Variants in PRCD observed in about 807,000 individuals in gnomAD.
PRCD encodes the protein photoreceptor disc component, also known as photoreceptor disk component PRCD.
A neutral mutation model predicts 10.1 loss-of-function variants in PRCD; 12 were observed. The ratio of observed to expected loss-of-function variants is 1.18; its 90% CI spans 0.76 to 1.92. The LOEUF (loss-of-function observed/expected upper bound fraction) is 1.92, where lower values mean the gene tolerates loss of function less well. Among genes scored for constraint, PRCD ranks in the 40% most tolerant of loss-of-function variants. The pLI is 0.00. For missense variants in PRCD, 61 were observed against 72.2 expected (o/e 0.84, Z 0.56); for synonymous variants, 31 against 26.2 (o/e 1.18, Z -0.56).
Position 76,530,751 on chromosome 17 carries a change from A to G in PRCD, n.45+2918A>G, listed in dbSNP as rs558768365. 6.6e-6 allele frequency among the ~76,000 whole-genome samples: 1 copy of G among 151,918 alleles called. No homozygotes were observed. The highest frequency in any genetic ancestry group is 2.1e-4 in the South Asian group (1 of 4,788). On this transcript the variant is annotated intron_variant and non_coding_transcript_variant, in intron 1 of 4. Transcript: ENST00000397633. This position sits in a 1 kb window ranked among gnomAD's most constrained non-coding sequence, Gnocchi z 6.1. ...GGGAAGGGGAAGGCTCTTTGGGAGG[A>G]TTTTTGCTCAGGGCTCATGGCTCTG...
In PRCD at chr17:76,544,215, G is replaced by T; in HGVS notation, c.*565G>T. On this transcript the variant is annotated 3_prime_UTR_variant, in exon 5 of 5. Coordinates refer to ENST00000592014, the MANE Select transcript of PRCD (RefSeq NM_001077620.3). ...AAACCCCCCGTGCCTCTGTGCACAC[G>T]CGTCTCTCCTCCCCAGCCAGCCCCC... 4.4e-6 allele frequency: 2 copies of T among 454,518 alleles called. No homozygotes were observed. Among genetic ancestry groups the T allele is most frequent in the Non-Finnish European group, 8.8e-6 (2 of 226,796 alleles). The allele number at this position is 454,518 out of a possible 1,614,324, so 28.2% of individuals were successfully genotyped here. A position where few individuals can be genotyped will look rare whatever the true frequency, so the allele number is the denominator to read the frequency against.
chr17:76,541,834 T>C (rs1194665672), intron 2 of PRCD, among the ~76,000 whole-genome samples: 3 of 152,086 alleles, frequency 2.0e-5, no homozygotes, highest in Admixed American at 1.3e-4. Flanking sequence ...GGAAAGACTA[T>C]GGGGGAAATT....
chr17:76,540,639 G>T lies in PRCD; in HGVS notation c.143+66G>T. 1 of 1,483,086 alleles carries T rather than the reference G, an allele frequency of 6.7e-7. No homozygotes were observed. Among genetic ancestry groups the T allele is most frequent in the Non-Finnish European group, 9.4e-7 (1 of 1,065,394 alleles). The allele number at this position is 1,483,086 out of a possible 1,614,324, so 91.9% of individuals were successfully genotyped here. A position where few individuals can be genotyped will look rare whatever the true frequency, so the allele number is the denominator to read the frequency against. ...AAGGAAGCTGTGGCTGTGCATGCCT[G>T]GGGGTGCACGTGTGTGCCTGTGCGC... On this transcript the variant is annotated intron_variant, in intron 2 of 4. Coordinates refer to ENST00000592014, the MANE Select transcript of PRCD (RefSeq NM_001077620.3). This position sits in a 1 kb window ranked among gnomAD's most constrained non-coding sequence, Gnocchi z 5.0.
chr17:76,530,897 C>T lies in PRCD; in HGVS notation n.45+3064C>T. The T allele has an allele frequency of 6.9e-7, 1 of 1,444,978 alleles. No homozygotes were observed. The highest frequency in any genetic ancestry group is 1.4e-5 in the South Asian group (1 of 72,810). The allele number at this position is 1,444,978 out of a possible 1,614,324, so 89.5% of individuals were successfully genotyped here. ...CCTGCCCAGGTGATCAGCCCCAGGG[C>T]CTCAGGAGATATGGGAGACCTCGGG... On this transcript the variant is annotated intron_variant and non_coding_transcript_variant, in intron 1 of 4. Coordinates refer to the PRCD transcript ENST00000397633. This position sits in a 1 kb window ranked among gnomAD's most constrained non-coding sequence, Gnocchi z 6.1.
At chr17:76,535,374 C>T (rs542770519), upstream of PRCD, among the ~76,000 whole-genome samples, 3 of 152,236 alleles carry the variant, frequency 2.0e-5, no homozygotes, top group East Asian at 3.9e-4. Flanking sequence ...TCAAGACTGA[C>T]GGGCCCAGGA....
rs144852411 is a variant in PRCD, at chr17:76,544,909, G to A, written c.*1259G>A. The A allele has an allele frequency of 9.3e-3, 4,254 of 456,782 alleles. 58 individuals carry two copies. The highest frequency in any genetic ancestry group is 0.024 in the South Asian group (1,549 of 64,570). The allele number at this position is 456,782 out of a possible 1,614,324, so 28.3% of individuals were successfully genotyped here. On this transcript the variant is annotated 3_prime_UTR_variant, in exon 5 of 5. Coordinates refer to ENST00000592014, the MANE Select transcript of PRCD (RefSeq NM_001077620.3). ...CAGCGCCCCTCCACGCCACTGTTCC[G>A]AGAACCTGCGCAGGAGGTGGTGGCT...
At position 76,540,647 on chromosome 17, in the gene PRCD, A is replaced by G. The variant is rs982529026; in HGVS notation, c.143+74A>G. ...TGTGGCTGTGCATGCCTGGGGGTGCACGTGTGTGCCTGTGCGCGCCTGTGC... is the reference window on the plus strand; with the variant it reads ...TGTGGCTGTGCATGCCTGGGGGTGCGCGTGTGTGCCTGTGCGCGCCTGTGC... On this transcript the variant is annotated intron_variant, in intron 2 of 4. Transcript: ENST00000592014. This position sits in a 1 kb window ranked among gnomAD's most constrained non-coding sequence, Gnocchi z 5.0. 6.8e-7 allele frequency: 1 copy of G among 1,470,182 alleles called. No individual in the cohort carries two copies. The highest frequency in any genetic ancestry group is 1.2e-5 in the South Asian group (1 of 86,870). 91.1% of individuals were successfully genotyped at this position (1,470,182 alleles called of 1,614,324 possible).
chr17:76,544,333 A>G lies in PRCD; in HGVS notation c.*683A>G, dbSNP rs2075028977. ...GGAGTTCTCTAGACAGCAGCACTTC[A>G]GCCGCCACTCTGCCTCTGAAGGGAA... On this transcript the variant is annotated 3_prime_UTR_variant, in exon 5 of 5. Coordinates refer to ENST00000592014, the MANE Select transcript of PRCD (RefSeq NM_001077620.3). The G allele has an allele frequency of 2.2e-6, 1 of 454,356 alleles. No homozygotes were observed. Among genetic ancestry groups the G allele is most frequent in the African/African-American group, 2.0e-5 (1 of 49,996 alleles). The allele number at this position is 454,356 out of a possible 1,614,324, so 28.1% of individuals were successfully genotyped here. A position where few individuals can be genotyped will look rare whatever the true frequency, so the allele number is the denominator to read the frequency against.
rs1391475095 is a variant in PRCD, at chr17:76,533,615, CAG to C, written n.45+5783_45+5784del. Among the ~76,000 whole-genome samples, 1 of 151,792 alleles carries C rather than the reference CAG, an allele frequency of 6.6e-6. No homozygotes were observed. The highest frequency in any genetic ancestry group is 1.9e-4 in the East Asian group (1 of 5,176). ...GCACACACCTTTGATTCCAGCTACTCAGGGGCCTAAAGTGGGAGGATCACTTG... is the reference window on the plus strand; with the variant it reads ...GCACACACCTTTGATTCCAGCTACTCGGGCCTAAAGTGGGAGGATCACTTG... On this transcript the variant is annotated intron_variant and non_coding_transcript_variant, in intron 1 of 4. Coordinates refer to the PRCD transcript ENST00000397633. This position sits in a 1 kb window ranked among gnomAD's most constrained non-coding sequence, Gnocchi z 4.5.
chr17:76,541,100 A>G (rs2074987593), intron 2 of PRCD, among the ~76,000 whole-genome samples: 1 of 151,722 alleles, frequency 6.6e-6, no homozygotes, highest in Non-Finnish European at 1.5e-5. Flanking sequence ...CAGAAAGTTA[A>G]CTCTTCCCTA....
chr17:76,542,942 G>C, intron 3 of PRCD, 87 bp from the exon 4 acceptor site: 1 of 541,748 alleles, frequency 1.8e-6, no homozygotes, highest in Non-Finnish European at 3.7e-6. Flanking sequence ...CAAGGGAGAG[G>C]CGGTGCTCGG....
At chr17:76,542,698 G>T in intron 3 of PRCD, 65 bp downstream of exon 3, 3 of 1,013,660 alleles carry the variant, frequency 3.0e-6, no homozygotes, top group Middle Eastern at 4.6e-4. Context: ...GAAGCAACAG[G>T]CAAGTCCCGG....
chr17:76,539,924 C>T (rs2074965280), upstream of PRCD: 1 of 604,080 alleles, frequency 1.7e-6, no homozygotes, highest in African/African-American at 1.9e-5. Context: ...ATGCCTTGAC[C>T]CTACCGCTGG....
chr17:76,529,485 T>A (rs1324940274), intron 1 of PRCD: 3 of 985,314 alleles, frequency 3.0e-6, no homozygotes, highest in Non-Finnish European at 3.6e-6. Context: ...CTGGGGAACT[T>A]GGGCCATGTG....
chr17:76,545,559 C>T (rs1306482396), downstream of PRCD: 1 of 348,954 alleles, frequency 2.9e-6, no homozygotes, highest in African/African-American at 2.1e-5. Flanking sequence ...TAACAAGAGT[C>T]CAAGAGCAAG....
chr17:76,550,918 AT>A (rs1480487641), intron 1 of PRCD: 3 of 152,230 alleles, frequency 2.0e-5, no homozygotes, highest in African/African-American at 4.8e-5. Flanking sequence ...AAGTCCCGTG[AT>A]GTTTGGATGA....
chr17:76,545,490 G>A (rs2075045772), downstream of PRCD: 4 of 408,606 alleles, frequency 9.8e-6, no homozygotes, highest in Non-Finnish European at 2.0e-5. Context: ...CAGCTAGAGA[G>A]GGAGAGCTGA....
At position 76,540,547 on chromosome 17, in the gene PRCD, G is replaced by T; in HGVS notation, c.117G>T (p.Leu39Phe). The change falls in exon 2 of 5, where the codon TTG becomes TTT. Residue 39 changes from leucine (L) to phenylalanine (F), a missense_variant. Coordinates refer to ENST00000592014, the MANE Select transcript of PRCD (RefSeq NM_001077620.3). This position sits in a 1 kb window ranked among gnomAD's most constrained non-coding sequence, Gnocchi z 5.0. ...ATGGGGCAGCTAGGGGCAGCAGCTT[G>T]GATGCGGACCCTCAGTCCTCAGGCA... Reference protein sequence around the residue: ...DVDGAARGSSLDADPQSSGRE... With the variant: ...DVDGAARGSSFDADPQSSGRE... 1.2e-6 allele frequency: 2 copies of T among 1,613,586 alleles called. No homozygotes were observed. The highest frequency in any genetic ancestry group is 2.2e-5 in the South Asian group (2 of 91,064).
At chr17:76,539,734 A>T (rs1272190893), upstream of PRCD, among the ~76,000 whole-genome samples, 1 of 152,176 alleles carries the variant, frequency 6.6e-6, no homozygotes, top group Non-Finnish European at 1.5e-5. Flanking sequence ...GCTCCTCTTT[A>T]AACGTTGCCC....
Sources: allele counts gnomAD v4.1 joint callset (sites outside exome capture counted in the v4.1 genomes callset), GRCh38; gene constraint gnomAD v4.1.1; non-coding constraint Gnocchi (gnomAD v3.1); transcripts MANE v1.5; gene names NCBI Gene and HGNC (gene_info 2026-07-23, HGNC 2026-07-21).